The following TMEM108 variants were observed in gnomAD, a reference collection of about 807,000 sequenced individuals.
TMEM108 encodes the protein transmembrane protein 108, also known as cancer/testis antigen 124.
Under a neutral mutation model 35.1 loss-of-function variants are expected in TMEM108, and 12 were observed. The ratio of observed to expected loss-of-function variants is 0.34; its 90% CI spans 0.22 to 0.55. The LOEUF (loss-of-function observed/expected upper bound fraction) is 0.55, where lower values mean the gene tolerates loss of function less well. TMEM108 is among the 20% of genes least tolerant of loss of function. The pLI, the probability that TMEM108 is intolerant of heterozygous loss-of-function variation, is 0.89. For missense variants in TMEM108, 680 were observed against 753.3 expected, an observed-to-expected ratio of 0.90 and a Z score of 1.14; for synonymous variants, 287 against 308.6, an observed-to-expected ratio of 0.93 and a Z score of 0.73.
At chr3:133,145,374 T>A (rs1001979778) in intron 2 of TMEM108, among the ~76,000 whole-genome samples, 1 of 152,172 alleles carries the variant, frequency 6.6e-6, no homozygotes, top group Admixed American at 6.5e-5. Context: ...AGCCTTGTAG[T>A]GTAGTTTGAA....
intron 2 of TMEM108, among the ~76,000 whole-genome samples, chr3:133,228,072 G>C (rs1418562058): frequency 6.6e-6 from 1 of 152,030 alleles, no homozygotes; most frequent in East Asian, 1.9e-4. Flanking sequence ...TCATTTTTGA[G>C]TGATGAAAAC....
rs1261011148 is a variant in TMEM108 at position 133,334,561 on chromosome 3, G to A, written c.41-45191G>A. 2.0e-5 allele frequency among the ~76,000 whole-genome samples: 3 copies of A among 152,136 alleles called. 1 individual carries two copies. Among genetic ancestry groups the A allele is most frequent in the South Asian group, 4.1e-4 (2 of 4,828 alleles). On this transcript the variant is annotated intron_variant, in intron 3 of 5. Transcript: ENST00000321871. ...GGCAGGAGGAGGTGAGATGGGGTTCGCAGGTTATGGTCCTTGGAGAGAAGT... is the reference window on the plus strand; with the variant it reads ...GGCAGGAGGAGGTGAGATGGGGTTCACAGGTTATGGTCCTTGGAGAGAAGT...
At chr3:133,057,947 G>A (rs1028287157) in intron 2 of TMEM108, among the ~76,000 whole-genome samples, 1 of 152,114 alleles carries the variant, frequency 6.6e-6, no homozygotes. Flanking sequence ...TGTGAGACTG[G>A]TTGTATTACG....
chr3:133,045,884 C>G lies in TMEM108; in HGVS notation c.-165-18C>G, dbSNP rs3821506. Reference sequence around the variant, plus strand: ...GTTCCTTTGGCCTAATGCATTTTTTCATTTTCATCTTTGCCAGTTGGTGAT... The same window carrying G: ...GTTCCTTTGGCCTAATGCATTTTTTGATTTTCATCTTTGCCAGTTGGTGAT... On this transcript the variant is annotated intron_variant, in intron 1 of 5. Coordinates refer to ENST00000321871, the MANE Select transcript of TMEM108 (RefSeq NM_023943.4). The G allele has an allele frequency of 0.4, 61,207 of 152,490 alleles. 12,861 individuals carry two copies. The highest frequency in any genetic ancestry group is 0.51 in the Admixed American group (7,720 of 15,272). The allele number at this position is 152,490 out of a possible 1,614,324, so 9.4% of individuals were successfully genotyped here. A position where few individuals can be genotyped will look rare whatever the true frequency, so the allele number is the denominator to read the frequency against.
At chr3:133,314,561 C>G (rs1465320639) in intron 3 of TMEM108, among the ~76,000 whole-genome samples, 1 of 152,166 alleles carries the variant, frequency 6.6e-6, no homozygotes, top group Non-Finnish European at 1.5e-5. Flanking sequence ...GTCACTTTTG[C>G]CTCTAAAGTC....
chr3:133,388,998 A>T (rs868856756), intron 4 of TMEM108: 22 of 985,688 alleles, frequency 2.2e-5, no homozygotes, highest in Middle Eastern at 1.0e-3. Flanking sequence ...AGGATGTCAG[A>T]TGTGGCTCTT....
chr3:133,385,450 G>C (rs1184003280), intron 4 of TMEM108, among the ~76,000 whole-genome samples: 2 of 152,154 alleles, frequency 1.3e-5, no homozygotes, highest in Admixed American at 1.3e-4. Context: ...CCGCCTGCCA[G>C]GCTGGTGGGT....
chr3:133,066,040 A>G (rs1347985094), intron 2 of TMEM108, among the ~76,000 whole-genome samples: 1 of 152,192 alleles, frequency 6.6e-6, no homozygotes, highest in East Asian at 1.9e-4. Context: ...TATTGTCATA[A>G]TTCTTCACAT....
At chr3:133,188,285 G>C (rs903786502) in intron 2 of TMEM108, among the ~76,000 whole-genome samples, 5 of 152,142 alleles carry the variant, frequency 3.3e-5, no homozygotes, top group Admixed American at 1.3e-4. Context: ...TCATATAAAT[G>C]ATGAATGAAT....
At chr3:133,208,829 C>G (rs1945795657) in intron 2 of TMEM108, among the ~76,000 whole-genome samples, 1 of 152,180 alleles carries the variant, frequency 6.6e-6, no homozygotes, top group South Asian at 2.1e-4. Flanking sequence ...TTCCATCACT[C>G]TTAACCTTCA....
intron 3 of TMEM108, among the ~76,000 whole-genome samples, chr3:133,287,564 G>A (rs1947003181): frequency 6.6e-6 from 1 of 152,170 alleles, no homozygotes; most frequent in Non-Finnish European, 1.5e-5. Flanking sequence ...ATTGTCAGTT[G>A]TCTCTGGGAG....
chr3:133,320,328 G>GA (rs151203872), intron 3 of TMEM108, among the ~76,000 whole-genome samples: 6,710 of 144,106 alleles, frequency 0.047, 179 homozygotes, highest in Non-Finnish European at 0.066. Context: ...CTATCATAAA[G>GA]AAAAAAAAAA....
At chr3:133,117,486 A>G (rs1218836166) in intron 2 of TMEM108, among the ~76,000 whole-genome samples, 1 of 152,212 alleles carries the variant, frequency 6.6e-6, no homozygotes, top group Non-Finnish European at 1.5e-5. Context: ...GAAACCTCCC[A>G]AGGGAGACTC....
Position 133,293,854 on chromosome 3 carries a change from G to C in TMEM108, c.40+64503G>C, listed in dbSNP as rs184814598. On this transcript the variant is annotated intron_variant, in intron 3 of 5. Transcript: ENST00000321871. ...AGCAGAGACCATCACCTCAATTAGA[G>C]TATAACAGAAGAGTTAAGAGGTTGT... is the stretch of plus-strand genomic sequence containing the variant. Among the ~76,000 whole-genome samples, 166 of 152,190 alleles carry C rather than the reference G, an allele frequency of 1.1e-3. 4 individuals carry two copies. The highest frequency in any genetic ancestry group is 0.011 in the Admixed American group (165 of 15,274).
At chr3:133,211,560 A>C (rs1945834053) in intron 2 of TMEM108, among the ~76,000 whole-genome samples, 1 of 152,234 alleles carries the variant, frequency 6.6e-6, no homozygotes, top group Non-Finnish European at 1.5e-5. Context: ...GAAGTATGAT[A>C]CGTATTCTTC....
At chr3:133,172,957 G>A (rs1050586470) in intron 2 of TMEM108, among the ~76,000 whole-genome samples, 3 of 152,156 alleles carry the variant, frequency 2.0e-5, no homozygotes, top group African/African-American at 7.2e-5. Context: ...GGTAAGACGT[G>A]ACTTGCTCCT....
At chr3:133,272,794 G>T (rs1946791088) in intron 3 of TMEM108, among the ~76,000 whole-genome samples, 1 of 152,186 alleles carries the variant, frequency 6.6e-6, no homozygotes, top group Non-Finnish European at 1.5e-5. Flanking sequence ...TCAGCCAGGG[G>T]AGGTATTGCC....
intron 2 of TMEM108, among the ~76,000 whole-genome samples, chr3:133,089,224 A>G (rs1943919097): frequency 6.6e-6 from 1 of 152,184 alleles, no homozygotes; most frequent in African/African-American, 2.4e-5. Flanking sequence ...ATTTGACATG[A>G]GATTTGGGCA....
At chr3:133,362,906 C>T (rs889882673) in intron 3 of TMEM108, among the ~76,000 whole-genome samples, 2 of 152,154 alleles carry the variant, frequency 1.3e-5, no homozygotes, top group Non-Finnish European at 2.9e-5. Flanking sequence ...CAGTTTAGAT[C>T]CAATTTGTTC....
Sources: gnomAD v4.1 joint callset for allele counts (sites outside exome capture counted in the v4.1 genomes callset) on GRCh38, gnomAD v4.1.1 for gene constraint, MANE v1.5 for transcripts, NCBI Gene and HGNC (gene_info 2026-07-23, HGNC 2026-07-21) for gene names.